The following SPHKAP variants were observed in gnomAD, a reference collection of about 807,000 sequenced individuals.
The protein encoded by SPHKAP is SPHK1 interactor, AKAP domain containing.
Under a neutral mutation model 137.5 loss-of-function variants are expected in SPHKAP, and 67 were observed. The observed-to-expected ratio is 0.49, with a 90% confidence interval of 0.40 to 0.60. The LOEUF is 0.60. Ranked by LOEUF, SPHKAP falls within the 20% of genes least tolerant of loss-of-function variation. The pLI is 0.00. For missense variants in SPHKAP, 2,097 were observed against 2,069.3 expected (o/e 1.01, Z -0.26); for synonymous variants, 813 against 785.3 (o/e 1.04, Z -0.59).
intron 7 of SPHKAP, among the ~76,000 whole-genome samples, chr2:228,001,288 T>A (rs1012767687): frequency 4.3e-5 from 5 of 116,134 alleles, no homozygotes; most frequent in South Asian, 2.9e-4. Flanking sequence ...TATACATATA[T>A]CTATACATAT....
intron 3 of SPHKAP, among the ~76,000 whole-genome samples, chr2:228,033,144 C>CAG (rs1353175144): frequency 6.6e-6 from 1 of 152,004 alleles, no homozygotes; most frequent in Non-Finnish European, 1.5e-5. Context: ...ATCTCACGTG[C>CAG]AGAGACACAC....
chr2:228,177,104 T>A (rs1202109036), intron 1 of SPHKAP, among the ~76,000 whole-genome samples: 2 of 116,724 alleles, frequency 1.7e-5, no homozygotes, highest in African/African-American at 6.5e-5. Context: ...TACAAGATCA[T>A]GGAGTAAGGA....
chr2:228,019,703 C>G lies in SPHKAP; in HGVS notation c.1151G>C (p.Gly384Ala), dbSNP rs755373996. The G allele has an allele frequency of 1.2e-6, 2 of 1,614,190 alleles. No individual in the cohort carries two copies. Among genetic ancestry groups the G allele is most frequent in the African/African-American group, 1.3e-5 (1 of 75,054 alleles). Residue 384 changes from glycine to alanine, a missense_variant, in exon 7 of 12, where the codon GGA becomes GCA. Gly to Ala is a moderately conservative substitution (Grantham distance 60). Coordinates refer to ENST00000392056, the MANE Select transcript of SPHKAP (RefSeq NM_001142644.2). ...TRNALPPRQD[G>A]EVTTGKYATN... ...AGCATACTTGCCAGTGGTGACTTCT[C>G]CATCTTGTCTAGGAGGGAGAGCGTT...
chr2:228,079,985 A>T (rs1697308389), intron 3 of SPHKAP, among the ~76,000 whole-genome samples: 1 of 152,210 alleles, frequency 6.6e-6, no homozygotes, highest in Admixed American at 6.5e-5. Context: ...CTAAACTCAA[A>T]ATGGATTAAT....
At chr2:228,084,885 A>G (rs1455924729) in intron 3 of SPHKAP, among the ~76,000 whole-genome samples, 2 of 152,208 alleles carry the variant, frequency 1.3e-5, no homozygotes, top group Non-Finnish European at 2.9e-5. Context: ...GAGTTGTCAT[A>G]AGAGTGGTTT....
chr2:227,986,361 C>T (rs1693209342), intron 11 of SPHKAP, among the ~76,000 whole-genome samples: 1 of 152,124 alleles, frequency 6.6e-6, no homozygotes, highest in Non-Finnish European at 1.5e-5. Context: ...TAAGTGGGAG[C>T]TAAGCCATGA....
At chr2:228,088,632 G>T (rs1191145328) in intron 3 of SPHKAP, among the ~76,000 whole-genome samples, 2 of 152,234 alleles carry the variant, frequency 1.3e-5, no homozygotes, top group East Asian at 3.8e-4. Context: ...AAGGAGCCTT[G>T]TTGGAGGTGT....
chr2:228,087,930 T>C (rs144854289), intron 3 of SPHKAP, among the ~76,000 whole-genome samples: 2 of 152,310 alleles, frequency 1.3e-5, no homozygotes, highest in African/African-American at 4.8e-5. Context: ...TAGTTTTCTT[T>C]TCTCAGCTGT....
At chr2:228,020,935 C>A (rs1694819552) in intron 6 of SPHKAP, among the ~76,000 whole-genome samples, 1 of 152,060 alleles carries the variant, frequency 6.6e-6, no homozygotes, top group African/African-American at 2.4e-5. Flanking sequence ...GGAAAGCAAC[C>A]CAGACAGTTG....
chr2:228,084,759 T>C lies in SPHKAP; in HGVS notation c.246+24073A>G, dbSNP rs758663626. ...AGTGTGTTTTGGCCATTCCTTGTTC[T>C]TTAGATCAAAGGGATCTCTGCTTAG... On this transcript the variant is annotated intron_variant, in intron 3 of 11. Coordinates refer to ENST00000392056, the MANE Select transcript of SPHKAP (RefSeq NM_001142644.2). Among the ~76,000 whole-genome samples, 66 of 152,232 alleles carry C rather than the reference T, an allele frequency of 4.3e-4. 1 individual carries two copies. The highest frequency in any genetic ancestry group is 3.9e-4 in the Admixed American group (6 of 15,280).
At chr2:228,085,004 A>T (rs1697494064) in intron 3 of SPHKAP, among the ~76,000 whole-genome samples, 1 of 152,230 alleles carries the variant, frequency 6.6e-6, no homozygotes, top group African/African-American at 2.4e-5. Flanking sequence ...TGCGTTTCAC[A>T]GACTAAGTGC....
chr2:228,023,315 T>C (rs992948597), intron 5 of SPHKAP, among the ~76,000 whole-genome samples: 1 of 152,162 alleles, frequency 6.6e-6, no homozygotes, highest in African/African-American at 2.4e-5. Flanking sequence ...TGCCTTGCTT[T>C]TCTAAGTGTG....
intron 3 of SPHKAP, among the ~76,000 whole-genome samples, chr2:228,077,069 C>A (rs1370144034): frequency 6.6e-6 from 1 of 152,204 alleles, no homozygotes; most frequent in African/African-American, 2.4e-5. Flanking sequence ...AGCCTCAAGC[C>A]TTGGCAGCTT....
intron 2 of SPHKAP, among the ~76,000 whole-genome samples, chr2:228,113,202 T>G (rs1358214060): frequency 6.6e-6 from 1 of 152,152 alleles, no homozygotes; most frequent in East Asian, 1.9e-4. Flanking sequence ...TTCCATAAAT[T>G]TCATTAACAT....
chr2:228,164,041 C>T (rs1471690826), intron 1 of SPHKAP, among the ~76,000 whole-genome samples: 1 of 152,138 alleles, frequency 6.6e-6, no homozygotes, highest in African/African-American at 2.4e-5. Flanking sequence ...TGTGGGTGGG[C>T]ACCATCCAAT....
intron 7 of SPHKAP, among the ~76,000 whole-genome samples, chr2:228,001,160 T>C (rs979699691): frequency 2.0e-5 from 3 of 151,218 alleles, no homozygotes; most frequent in Admixed American, 6.6e-5. Context: ...TATATGCTTA[T>C]ATGCTATCCA....
intron 7 of SPHKAP, among the ~76,000 whole-genome samples, chr2:228,015,203 G>A (rs1694530589): frequency 6.6e-6 from 1 of 151,680 alleles, no homozygotes; most frequent in South Asian, 2.1e-4. Context: ...AGTTTACTGA[G>A]AATGATGATT....
intron 3 of SPHKAP, among the ~76,000 whole-genome samples, chr2:228,084,412 T>A (rs1188320973): frequency 6.6e-6 from 1 of 152,192 alleles, no homozygotes; most frequent in Non-Finnish European, 1.5e-5. Flanking sequence ...ATTTTTCCTA[T>A]AATTATTAAC....
At chr2:228,001,472 T>C (rs2106179727) in intron 7 of SPHKAP, among the ~76,000 whole-genome samples, 1 of 142,940 alleles carries the variant, frequency 7.0e-6, no homozygotes, top group Admixed American at 7.2e-5. Flanking sequence ...TACGTATATA[T>C]AAAAATATAT....
Sources: gnomAD v4.1 joint callset for allele counts (sites outside exome capture counted in the v4.1 genomes callset) on GRCh38, gnomAD v4.1.1 for gene constraint, MANE v1.5 for transcripts, NCBI Gene and HGNC (gene_info 2026-07-23, HGNC 2026-07-21) for gene names.